Variants in PPP1R16B observed in about 807,000 individuals in gnomAD.
The protein encoded by PPP1R16B is protein phosphatase 1 regulatory subunit 16B.
PPP1R16B carries 14 observed loss-of-function variants against 61.7 expected under a neutral mutation model. The ratio of observed to expected loss-of-function variants is 0.23; its 90% CI spans 0.15 to 0.35. The LOEUF is 0.35. Ranked by LOEUF, PPP1R16B falls within the 10% of genes least tolerant of loss-of-function variation. PPP1R16B has a pLI of 1.00. For missense variants in PPP1R16B, 547 were observed against 752.5 expected (o/e 0.73, Z 3.19); for synonymous variants, 266 against 305.3 (o/e 0.87, Z 1.34).
chr20:38,894,886 C>T (rs553676864), intron 3 of PPP1R16B, among the ~76,000 whole-genome samples: 7 of 152,186 alleles, frequency 4.6e-5, no homozygotes, highest in Non-Finnish European at 1.0e-4. Flanking sequence ...CTGGGGCTGC[C>T]CCACGTGCCA....
At chr20:38,873,931 G>A (rs949219226) in intron 2 of PPP1R16B, among the ~76,000 whole-genome samples, 1 of 152,024 alleles carries the variant, frequency 6.6e-6, no homozygotes, top group Non-Finnish European at 1.5e-5. Flanking sequence ...GTTTCACCAT[G>A]TTGGCCAGGA....
chr20:38,894,940 C>G (rs1009809997), intron 3 of PPP1R16B, among the ~76,000 whole-genome samples: 10 of 152,214 alleles, frequency 6.6e-5, no homozygotes, highest in African/African-American at 1.9e-4. Context: ...GCTGTCTCCT[C>G]GCAGGGACTA....
rs1050030796 is a variant in PPP1R16B at position 38,806,145 on chromosome 20, C to T, written c.-102+353C>T. On this transcript the variant is annotated intron_variant, in intron 1 of 10. Coordinates refer to ENST00000299824, the MANE Select transcript of PPP1R16B (RefSeq NM_015568.4). This position sits in a 1 kb window ranked among gnomAD's most constrained non-coding sequence, Gnocchi z 4.5. ...CTCGGTCTGTTCTGGACTCATGGGG[C>T]CGCCGTCTGCCGGGGGTGCAATGCC... Among the ~76,000 whole-genome samples the T allele has an allele frequency of 6.6e-6, 1 of 152,086 alleles. No homozygotes were observed. The highest frequency in any genetic ancestry group is 1.5e-5 in the Non-Finnish European group (1 of 67,994).
Position 38,918,285 on chromosome 20 carries a change from C to T in PPP1R16B, c.1323C>T (p.Asn441=), listed in dbSNP as rs1220838748. The change falls in exon 11 of 11, where the codon AAC becomes AAT. Residue 441 remains asparagine (N), a synonymous_variant. Coordinates refer to ENST00000299824, the MANE Select transcript of PPP1R16B (RefSeq NM_015568.4). The surrounding 1 kb of genome is among the most constrained non-coding windows in gnomAD (Gnocchi z 5.3). ...GTGCCTACCAGTATGCGCTGGCCAA[C>T]GGGGATGTCTGGAAGGTGCATGAGG... ...PVSAYQYALA[N]GDVWKVHEVP... The T allele has an allele frequency of 1.2e-5, 19 of 1,614,118 alleles. No individual in the cohort carries two copies. Among genetic ancestry groups the T allele is most frequent in the Middle Eastern group, 1.6e-4 (1 of 6,084 alleles).
At chr20:38,824,056 A>C (rs1040816895) in intron 1 of PPP1R16B, among the ~76,000 whole-genome samples, 4 of 152,178 alleles carry the variant, frequency 2.6e-5, no homozygotes, top group Non-Finnish European at 5.9e-5. Context: ...AGCCCTAGTT[A>C]CGAGTTCCCT....
intron 1 of PPP1R16B, among the ~76,000 whole-genome samples, chr20:38,820,995 C>T (rs2084769792): frequency 1.4e-5 from 2 of 147,906 alleles, no homozygotes; most frequent in Admixed American, 6.8e-5. Context: ...GAGCTGAGAT[C>T]GCACCACTGT....
intron 10 of PPP1R16B, among the ~76,000 whole-genome samples, chr20:38,917,916 A>C (rs556780178): frequency 6.6e-6 from 1 of 152,270 alleles, no homozygotes; most frequent in South Asian, 2.1e-4. Flanking sequence ...CCTGTAGTGA[A>C]ATATGTTGAC....
intron 2 of PPP1R16B, among the ~76,000 whole-genome samples, chr20:38,837,578 G>A (rs1416839477): frequency 1.5e-5 from 2 of 130,204 alleles, no homozygotes; most frequent in Non-Finnish European, 3.1e-5. Flanking sequence ...GTCTCACTCT[G>A]TTGCCCAGGC....
intron 2 of PPP1R16B, among the ~76,000 whole-genome samples, chr20:38,878,337 G>T (rs1367090434): frequency 6.6e-6 from 1 of 152,188 alleles, no homozygotes; most frequent in African/African-American, 2.4e-5. Flanking sequence ...GACAGGGGAG[G>T]TAGTTTTGGG....
At chr20:38,852,466 A>G (rs2084975286) in intron 2 of PPP1R16B, among the ~76,000 whole-genome samples, 1 of 152,212 alleles carries the variant, frequency 6.6e-6, no homozygotes, top group South Asian at 2.1e-4. Context: ...AGGCTGGTCA[A>G]CCATGGTCGA....
At position 38,918,251 on chromosome 20, in the gene PPP1R16B, C is replaced by A. The variant is rs1351755783; in HGVS notation, c.1289C>A (p.Ala430Asp). ...ATGCCTGTTGAGAATGGCCTCCGGG[C>A]TCCGGTCAGTGCCTACCAGTATGCG... The part of the protein sequence containing the change: ...LDMPVENGLR[A>D]PVSAYQYALA... The change falls in exon 11 of 11, where the codon GCT becomes GAT. Residue 430 changes from alanine to aspartate, a missense_variant. Physicochemically the swap from Ala to Asp is moderately radical, Grantham distance 126. Coordinates refer to ENST00000299824, the MANE Select transcript of PPP1R16B (RefSeq NM_015568.4). This position sits in a 1 kb window ranked among gnomAD's most constrained non-coding sequence, Gnocchi z 5.3. The A allele has an allele frequency of 6.2e-7, 1 of 1,614,256 alleles. No homozygotes were observed.
intron 6 of PPP1R16B, among the ~76,000 whole-genome samples, chr20:38,905,313 G>C (rs1439491596): frequency 6.6e-6 from 1 of 152,064 alleles, no homozygotes; most frequent in African/African-American, 2.4e-5. Flanking sequence ...ACTGGTACTG[G>C]AAGATCCACT....
At chr20:38,902,631 T>C in intron 5 of PPP1R16B, 37 bp from the exon 6 acceptor site, 1 of 1,613,558 alleles carries the variant, frequency 6.2e-7, no homozygotes, top group Non-Finnish European at 8.5e-7. Context: ...GTCGTAGGCC[T>C]GAGGGTGCTA....
chr20:38,910,481 C>CT (rs1006721900), intron 10 of PPP1R16B, among the ~76,000 whole-genome samples: 2 of 151,206 alleles, frequency 1.3e-5, no homozygotes, highest in East Asian at 1.9e-4. Flanking sequence ...TCGTGTCTGG[C>CT]TTTTTTTACA....
chr20:38,906,576 G>A (rs1281336981), intron 7 of PPP1R16B, among the ~76,000 whole-genome samples: 3 of 152,082 alleles, frequency 2.0e-5, no homozygotes, highest in Non-Finnish European at 4.4e-5. Context: ...ATGCCACCAT[G>A]CCTGGCTGAC....
At chr20:38,858,018 G>T (rs562949152) in intron 2 of PPP1R16B, among the ~76,000 whole-genome samples, 1 of 152,120 alleles carries the variant, frequency 6.6e-6, no homozygotes, top group African/African-American at 2.4e-5. Flanking sequence ...CTGGTTTCTC[G>T]TGAGGGCTCT....
chr20:38,890,909 G>A (rs553548230), intron 3 of PPP1R16B, among the ~76,000 whole-genome samples: 13 of 152,158 alleles, frequency 8.5e-5, no homozygotes, highest in Non-Finnish European at 1.8e-4. Flanking sequence ...AGCCCCAGGG[G>A]CAGGTCCCTG....
Position 38,908,208 on chromosome 20 carries a change from G to T in PPP1R16B, c.1194+15G>T, listed in dbSNP as rs754418915. ...ATAAGGACCCTGTGAGTGGCCTCAC[G>T]CCCTGCCCTAGTGTCAGCCACTGCA... On this transcript the variant is annotated intron_variant, in intron 10 of 10. Coordinates refer to ENST00000299824, the MANE Select transcript of PPP1R16B (RefSeq NM_015568.4). 1 of 1,613,954 alleles carries T rather than the reference G, an allele frequency of 6.2e-7. No individual in the cohort carries two copies.
At chr20:38,900,855 A>G (rs1034994591) in intron 5 of PPP1R16B, among the ~76,000 whole-genome samples, 171 bp downstream of exon 5, 5 of 152,234 alleles carry the variant, frequency 3.3e-5, no homozygotes, top group African/African-American at 1.2e-4. Context: ...TATCAAGAGC[A>G]GGACATGAGA....
Sources: gnomAD v4.1 joint callset for allele counts (sites outside exome capture counted in the v4.1 genomes callset) on GRCh38, gnomAD v4.1.1 for gene constraint, Gnocchi (gnomAD v3.1) non-coding constraint, MANE v1.5 for transcripts, NCBI Gene and HGNC (gene_info 2026-07-23, HGNC 2026-07-21) for gene names.